The following IQCM variants were observed in gnomAD, a reference collection of about 807,000 sequenced individuals.
IQCM encodes the protein IQ motif containing M.
Under a neutral mutation model 57.6 loss-of-function variants are expected in IQCM, and 45 were observed. The observed-to-expected ratio is 0.78, with a 90% confidence interval of 0.62 to 1.00. The LOEUF (loss-of-function observed/expected upper bound fraction) is 1.00, where lower values mean the gene tolerates loss of function less well. Among genes scored for constraint, IQCM ranks in the 50% least tolerant of loss-of-function variants. IQCM has a pLI of 0.00. For synonymous variants in IQCM, 148 were observed against 158.9 expected, an observed-to-expected ratio of 0.93 and a Z score of 0.51; for missense variants, 468 against 511.6, an observed-to-expected ratio of 0.91 and a Z score of 0.82.
At chr4:149,772,587 A>G (rs924228634) in intron 2 of IQCM, among the ~76,000 whole-genome samples, 15 of 152,328 alleles carry the variant, frequency 9.8e-5, no homozygotes, top group African/African-American at 3.6e-4. Flanking sequence ...AATCAAGATG[A>G]CTAAAAAAAA....
intron 13 of IQCM, among the ~76,000 whole-genome samples, chr4:149,389,957 C>G (rs370138403): frequency 6.6e-5 from 10 of 151,702 alleles, no homozygotes; most frequent in Admixed American, 3.3e-4. Flanking sequence ...TTTTTGGTCC[C>G]TTGTATTTCC....
intron 13 of IQCM, among the ~76,000 whole-genome samples, chr4:149,432,462 C>T (rs191951044): frequency 6.6e-6 from 1 of 152,062 alleles, no homozygotes; most frequent in African/African-American, 2.4e-5. Context: ...TAAAAAAGAA[C>T]TTCAATTTAT....
At chr4:149,614,520 C>A (rs1297457070) in intron 8 of IQCM, among the ~76,000 whole-genome samples, 1 of 152,128 alleles carries the variant, frequency 6.6e-6, no homozygotes, top group East Asian at 1.9e-4. Context: ...CTTTCTGGGG[C>A]TGGAACAATT....
intron 13 of IQCM, among the ~76,000 whole-genome samples, chr4:149,410,314 A>G (rs1733287609): frequency 6.6e-6 from 1 of 152,136 alleles, no homozygotes; most frequent in African/African-American, 2.4e-5. Flanking sequence ...TTATAGTACT[A>G]TATTTATAGA....
intron 2 of IQCM, among the ~76,000 whole-genome samples, chr4:149,754,195 C>T (rs1349676795): frequency 6.6e-6 from 1 of 152,170 alleles, no homozygotes; most frequent in Non-Finnish European, 1.5e-5. Flanking sequence ...TGAGGAGTCA[C>T]ACAGTTACCT....
rs1268150078 is a variant in IQCM, at chr4:149,713,026, A to G, written c.385+20218T>C. On this transcript the variant is annotated intron_variant, in intron 5 of 13. Coordinates refer to ENST00000636793, the MANE Select transcript of IQCM (RefSeq NM_001363507.2). ...AATGTTCACTAGCAAAATAACTAAT[A>G]TCAGATGATTAACAATCTAGATGAT... Among the ~76,000 whole-genome samples, 3 of 152,220 alleles carry G rather than the reference A, an allele frequency of 2.0e-5. No individual in the cohort carries two copies. The East Asian group carries it at 5.8e-4, about 29-fold the overall frequency.
intron 12 of IQCM, among the ~76,000 whole-genome samples, chr4:149,492,992 G>A (rs955041524): frequency 2.0e-5 from 3 of 152,036 alleles, no homozygotes; most frequent in Non-Finnish European, 4.4e-5. Context: ...CATCTTGTAA[G>A]AGCACTGCCA....
chr4:149,544,104 G>A (rs1374167198), intron 12 of IQCM, among the ~76,000 whole-genome samples: 1 of 151,840 alleles, frequency 6.6e-6, no homozygotes, highest in Non-Finnish European at 1.5e-5. Context: ...CCTTTCTTTA[G>A]ATTAAAAAAA....
At chr4:149,379,894 G>A (rs1004549276) in intron 13 of IQCM, among the ~76,000 whole-genome samples, 1 of 152,118 alleles carries the variant, frequency 6.6e-6, no homozygotes, top group African/African-American at 2.4e-5. Flanking sequence ...TTGAGTTGTG[G>A]GAGGGACCAA....
intron 13 of IQCM, among the ~76,000 whole-genome samples, chr4:149,360,806 C>T (rs544643425): frequency 4.3e-4 from 65 of 152,238 alleles, no homozygotes; most frequent in African/African-American, 1.4e-3. Flanking sequence ...TGAAAACAGA[C>T]TAACACAATA....
intron 12 of IQCM, chr4:149,514,516 T>G (rs531320955): frequency 1.3e-5 from 2 of 152,184 alleles, no homozygotes; most frequent in Non-Finnish European, 2.9e-5. Context: ...ATGAAAAGCA[T>G]TTACTTACCT....
intron 4 of IQCM, among the ~76,000 whole-genome samples, chr4:149,734,050 C>G (rs1359461991): frequency 6.6e-6 from 1 of 151,998 alleles, no homozygotes; most frequent in Non-Finnish European, 1.5e-5. Flanking sequence ...TTTATTTTGA[C>G]CACCTTGAAC....
At chr4:149,776,561 A>G (rs1771109369) in intron 2 of IQCM, among the ~76,000 whole-genome samples, 2 of 152,206 alleles carry the variant, frequency 1.3e-5, no homozygotes. Flanking sequence ...ATCCATATAA[A>G]GATATAGGGA....
At chr4:149,678,355 C>G (rs896501391) in intron 7 of IQCM, among the ~76,000 whole-genome samples, 6 of 151,766 alleles carry the variant, frequency 4.0e-5, no homozygotes, top group African/African-American at 1.5e-4. Flanking sequence ...ATCATACATG[C>G]CAGGAGAAAA....
chr4:149,643,347 T>A (rs1758368093), intron 7 of IQCM, among the ~76,000 whole-genome samples: 1 of 152,178 alleles, frequency 6.6e-6, no homozygotes, highest in East Asian at 1.9e-4. Context: ...TGGGGAAAAG[T>A]AAATTTTAAA....
intron 13 of IQCM, among the ~76,000 whole-genome samples, chr4:149,412,368 T>C (rs956386990): frequency 3.9e-5 from 6 of 152,182 alleles, no homozygotes; most frequent in African/African-American, 1.4e-4. Flanking sequence ...AAACCAACTG[T>C]AGATTACCTA....
intron 2 of IQCM, among the ~76,000 whole-genome samples, chr4:149,798,012 T>C (rs1344233190): frequency 6.6e-6 from 1 of 151,788 alleles, no homozygotes; most frequent in African/African-American, 2.4e-5. Flanking sequence ...AACTCACTGG[T>C]AATAGTAATT....
At chr4:149,435,741 G>A (rs1399241094) in intron 12 of IQCM, among the ~76,000 whole-genome samples, 1 of 151,964 alleles carries the variant, frequency 6.6e-6, no homozygotes, top group East Asian at 1.9e-4. Context: ...ACGATCCTGT[G>A]TAGGCCAAGG....
rs187737791 is a variant in IQCM at position 149,554,963 on chromosome 4, T to C, written c.949-1676A>G. Reference sequence around the variant, plus strand: ...ATCCGCCTGCCTCGGCCTCCCAAAGTGCAGTGATTACAGGCGTGAGCCACT... The same window carrying C: ...ATCCGCCTGCCTCGGCCTCCCAAAGCGCAGTGATTACAGGCGTGAGCCACT... On this transcript the variant is annotated intron_variant, in intron 10 of 13. Transcript: ENST00000636793. Among the ~76,000 whole-genome samples, 9 of 152,292 alleles carry C rather than the reference T, an allele frequency of 5.9e-5. No homozygotes were observed. The East Asian group carries it at 1.7e-3, about 29-fold the overall frequency.
Sources: gnomAD v4.1 joint callset for allele counts (sites outside exome capture counted in the v4.1 genomes callset) on GRCh38, gnomAD v4.1.1 for gene constraint, MANE v1.5 for transcripts, NCBI Gene and HGNC (gene_info 2026-07-23, HGNC 2026-07-21) for gene names.